Variants in GRIN2A observed in about 807,000 individuals in gnomAD.
GRIN2A encodes the protein glutamate ionotropic receptor NMDA type subunit 2A, also known as glutamate receptor ionotropic, NMDA 2A.
In GRIN2A, 22 loss-of-function variants were observed where a neutral mutation model predicts 113.4. That is an observed-to-expected ratio of 0.19 (90% confidence interval 0.14 to 0.28). GRIN2A has a LOEUF of 0.28. Among genes scored for constraint, GRIN2A ranks in the 10% least tolerant of loss-of-function variants. GRIN2A has a pLI of 1.00. For missense variants in GRIN2A, 1,502 were observed against 1,887.0 expected, an observed-to-expected ratio of 0.80 and a Z score of 3.78; for synonymous variants, 827 against 738.4, an observed-to-expected ratio of 1.12 and a Z score of -1.94.
chr16:10,026,998 G>T (rs1320724347), intron 2 of GRIN2A, among the ~76,000 whole-genome samples: 1 of 152,126 alleles, frequency 6.6e-6, no homozygotes, highest in Non-Finnish European at 1.5e-5. Flanking sequence ...CCACCCAAGG[G>T]CTTCCTTTTG....
chr16:9,759,194 A>T lies in GRIN2A; in HGVS notation c.*3955T>A, dbSNP rs1567271241. Reference sequence around the variant, plus strand: ...TTATTTAGGTCTTAAACCGCAAGGGATTTCAGTACAAGGTACTTATTTATA... The same window carrying T: ...TTATTTAGGTCTTAAACCGCAAGGGTTTTCAGTACAAGGTACTTATTTATA... On this transcript the variant is annotated 3_prime_UTR_variant, in exon 13 of 13. Transcript: ENST00000330684. 1 of 217,832 alleles carries T rather than the reference A, an allele frequency of 4.6e-6. No homozygotes were observed. Among genetic ancestry groups the T allele is most frequent in the Non-Finnish European group, 9.2e-6 (1 of 108,528 alleles). 13.5% of individuals were successfully genotyped at this position (217,832 alleles called of 1,614,324 possible).
In GRIN2A at chr16:9,761,986, T is replaced by G. The variant is rs1323036176; in HGVS notation, c.*1163A>C. On this transcript the variant is annotated 3_prime_UTR_variant, in exon 13 of 13. Transcript: ENST00000330684. ...TTGAAGGCTTTTGATTTGAGGAGTT[T>G]GGGGTGGAAGTGAGTGTCCAACAGA... is the stretch of plus-strand genomic sequence containing the variant. 1 of 199,532 alleles carries G rather than the reference T, an allele frequency of 5.0e-6. No individual in the cohort carries two copies. Among genetic ancestry groups the G allele is most frequent in the Non-Finnish European group, 1.0e-5 (1 of 96,640 alleles). 12.4% of individuals were successfully genotyped at this position (199,532 alleles called of 1,614,324 possible).
At chr16:9,859,649 G>A (rs571260756) in intron 4 of GRIN2A, among the ~76,000 whole-genome samples, 1 of 148,850 alleles carries the variant, frequency 6.7e-6, no homozygotes, top group African/African-American at 2.5e-5. Context: ...CACACAGAGA[G>A]GATATGAAGC....
chr16:9,863,399 G>T (rs55666830), intron 4 of GRIN2A, among the ~76,000 whole-genome samples: 47,511 of 151,762 alleles, frequency 0.31, 7,592 homozygotes, highest in African/African-American at 0.36. Flanking sequence ...GTCTTACAGT[G>T]TGCTTTTACT....
chr16:10,016,263 A>G (rs966088016), intron 2 of GRIN2A, among the ~76,000 whole-genome samples: 1 of 152,086 alleles, frequency 6.6e-6, no homozygotes, highest in Non-Finnish European at 1.5e-5. Flanking sequence ...GACACTTTGG[A>G]TACCTGAGCG....
chr16:9,989,777 G>GA (rs769394436), intron 2 of GRIN2A, among the ~76,000 whole-genome samples: 5 of 152,052 alleles, frequency 3.3e-5, no homozygotes, highest in African/African-American at 7.2e-5. Flanking sequence ...CAGCAAACAT[G>GA]AAAAAATGCT....
intron 3 of GRIN2A, among the ~76,000 whole-genome samples, chr16:9,913,604 C>T (rs2044186533): frequency 6.6e-6 from 1 of 152,158 alleles, no homozygotes. Context: ...ACTTCAGCAG[C>T]TCTGGAACTA....
At chr16:9,884,517 C>A (rs976921698) in intron 4 of GRIN2A, among the ~76,000 whole-genome samples, 8 of 151,890 alleles carry the variant, frequency 5.3e-5, no homozygotes, top group Non-Finnish European at 1.0e-4. Flanking sequence ...CCACTGTACT[C>A]CAGCCTGGGT....
Position 9,936,757 on chromosome 16 carries a change from C to T in GRIN2A, c.1007+1202G>A, listed in dbSNP as rs561208316. 6.6e-5 allele frequency among the ~76,000 whole-genome samples: 10 copies of T among 152,186 alleles called. No homozygotes were observed. In the South Asian group the frequency reaches 2.1e-3, roughly 32 times the overall value. ...AGATTTCCAATGGCCTACAAAAATA[C>T]TTAGAATATAAGAAGGGAAAAAATC... On this transcript the variant is annotated intron_variant, in intron 3 of 12. Coordinates refer to ENST00000330684, the MANE Select transcript of GRIN2A (RefSeq NM_001134407.3).
chr16:9,996,478 C>T (rs563451382), intron 2 of GRIN2A, among the ~76,000 whole-genome samples: 82 of 152,304 alleles, frequency 5.4e-4, no homozygotes, highest in African/African-American at 1.9e-3. Context: ...TCACTGTAAT[C>T]GTTAAGGGAG....
intron 2 of GRIN2A, among the ~76,000 whole-genome samples, chr16:9,956,377 C>T (rs1287263912): frequency 6.6e-6 from 1 of 152,158 alleles, no homozygotes; most frequent in African/African-American, 2.4e-5. Flanking sequence ...CACGTATGAG[C>T]CGTGTGTCTC....
intron 4 of GRIN2A, among the ~76,000 whole-genome samples, chr16:9,851,704 G>A (rs781646963): frequency 3.3e-4 from 50 of 152,204 alleles, no homozygotes; most frequent in Non-Finnish European, 6.3e-4. Flanking sequence ...ACAGAACTAA[G>A]TGTAAATCCT....
intron 2 of GRIN2A, among the ~76,000 whole-genome samples, chr16:10,115,229 G>GT (rs58520106): frequency 0.2 from 30,370 of 149,232 alleles, 3,622 homozygotes; most frequent in East Asian, 0.39. Context: ...CATGATCTAA[G>GT]TTTTTTTTTT....
At chr16:10,093,563 T>TA (rs1378188281) in intron 2 of GRIN2A, among the ~76,000 whole-genome samples, 1 of 151,936 alleles carries the variant, frequency 6.6e-6, no homozygotes, top group African/African-American at 2.4e-5. Flanking sequence ...TAATCAGCCT[T>TA]ATATTTAAGA....
intron 2 of GRIN2A, among the ~76,000 whole-genome samples, chr16:9,977,321 CT>C (rs1267334202): frequency 6.6e-6 from 1 of 151,866 alleles, no homozygotes; most frequent in Non-Finnish European, 1.5e-5. Flanking sequence ...GGAGGGAGGA[CT>C]GACCGGAGTT....
At chr16:9,854,479 C>T (rs2042935808) in intron 4 of GRIN2A, among the ~76,000 whole-genome samples, 1 of 152,164 alleles carries the variant, frequency 6.6e-6, no homozygotes, top group African/African-American at 2.4e-5. Context: ...CATATTGTTT[C>T]TGCTTGTCTC....
chr16:9,784,721 A>G (rs553013480), intron 11 of GRIN2A, among the ~76,000 whole-genome samples: 1 of 152,310 alleles, frequency 6.6e-6, no homozygotes, highest in East Asian at 1.9e-4. Context: ...CAGAATCTAC[A>G]ATGAACTCAA....
intron 2 of GRIN2A, among the ~76,000 whole-genome samples, chr16:9,980,170 G>C (rs1159791637): frequency 6.6e-6 from 1 of 151,878 alleles, no homozygotes; most frequent in Non-Finnish European, 1.5e-5. Flanking sequence ...CTACTTAGGA[G>C]GCTGAGGCAC....
chr16:10,049,350 C>T (rs982479499), intron 2 of GRIN2A, among the ~76,000 whole-genome samples: 3 of 152,050 alleles, frequency 2.0e-5, no homozygotes, highest in African/African-American at 7.2e-5. Context: ...CAAGTTGTCA[C>T]AGCATTACCA....
Sources: allele counts gnomAD v4.1 joint callset (sites outside exome capture counted in the v4.1 genomes callset), GRCh38; gene constraint gnomAD v4.1.1; transcripts MANE v1.5; gene names NCBI Gene and HGNC (gene_info 2026-07-23, HGNC 2026-07-21).